The following CDC42SE2 variants were observed in gnomAD, a reference collection of about 807,000 sequenced individuals.
The protein encoded by CDC42SE2 is CDC42 small effector 2, also known as CDC42 small effector protein 2.
In CDC42SE2, 3 loss-of-function variants were observed where a neutral mutation model predicts 11.5. The observed-to-expected ratio is 0.26, with a 90% CI of 0.12 to 0.67. CDC42SE2 has a LOEUF of 0.67. CDC42SE2 is among the 30% of genes least tolerant of loss of function. CDC42SE2 has a pLI of 0.80. For missense variants in CDC42SE2, 82 were observed against 106.8 expected, an observed-to-expected ratio of 0.77 and a Z score of 1.02; for synonymous variants, 33 against 34.8, an observed-to-expected ratio of 0.95 and a Z score of 0.18.
At chr5:131,271,112 A>G (rs1245182168) in intron 1 of CDC42SE2, among the ~76,000 whole-genome samples, 1 of 152,208 alleles carries the variant, frequency 6.6e-6, no homozygotes, top group Non-Finnish European at 1.5e-5. Context: ...TTCCTGTGAT[A>G]CAGTTCTCCA....
intron 2 of CDC42SE2, among the ~76,000 whole-genome samples, chr5:131,347,926 G>A (rs909891478): frequency 2.0e-5 from 3 of 152,252 alleles, no homozygotes; most frequent in African/African-American, 4.8e-5. Context: ...TGCAGAAAAG[G>A]CCTTTGACAA....
chr5:131,300,754 G>T (rs967491425), intron 1 of CDC42SE2, among the ~76,000 whole-genome samples: 1 of 149,650 alleles, frequency 6.7e-6, no homozygotes. Flanking sequence ...CTGCACTCCA[G>T]CCTGGGTGAC....
chr5:131,289,569 A>C (rs1040939948), intron 1 of CDC42SE2, among the ~76,000 whole-genome samples: 7 of 151,698 alleles, frequency 4.6e-5, no homozygotes, highest in Admixed American at 4.6e-4. Flanking sequence ...GCTACTCTGG[A>C]GGCTGAGGCA....
At chr5:131,333,121 A>T (rs909746207) in intron 2 of CDC42SE2, among the ~76,000 whole-genome samples, 1 of 152,148 alleles carries the variant, frequency 6.6e-6, no homozygotes, top group South Asian at 2.1e-4. Flanking sequence ...TAAGTCTTTA[A>T]TCCATCTTGA....
chr5:131,336,612 G>C (rs910485817), intron 2 of CDC42SE2, among the ~76,000 whole-genome samples: 6 of 152,138 alleles, frequency 3.9e-5, no homozygotes, highest in Admixed American at 6.6e-5. Flanking sequence ...GTACACCATT[G>C]AGACGTATAT....
intron 3 of CDC42SE2, among the ~76,000 whole-genome samples, chr5:131,372,017 T>G (rs938463048): frequency 2.6e-4 from 40 of 152,234 alleles, no homozygotes; most frequent in Admixed American, 2.6e-3. Flanking sequence ...GTTTGTTTTG[T>G]TTTGGTTTTG....
intron 2 of CDC42SE2, among the ~76,000 whole-genome samples, chr5:131,353,409 G>T (rs1749412409): frequency 6.6e-6 from 1 of 151,958 alleles, no homozygotes; most frequent in Admixed American, 6.6e-5. Flanking sequence ...AGCCACCTGA[G>T]TAGCTGGGAT....
chr5:131,328,599 T>TC (rs1474408027), intron 2 of CDC42SE2, among the ~76,000 whole-genome samples: 1 of 152,216 alleles, frequency 6.6e-6, no homozygotes, highest in East Asian at 1.9e-4. Flanking sequence ...TATACTTATA[T>TC]CTTCCATTGA....
chr5:131,393,493 T>C lies in CDC42SE2; in HGVS notation c.*2402T>C, dbSNP rs1750729316. On this transcript the variant is annotated 3_prime_UTR_variant, in exon 5 of 5. Transcript: ENST00000505065. ...GTTTGTTTAATAACAACTTCTAAAGTAAGTTGAATTCATCCATTGTCACTG... is the reference window on the plus strand; with the variant it reads ...GTTTGTTTAATAACAACTTCTAAAGCAAGTTGAATTCATCCATTGTCACTG... 1 of 152,382 alleles carries C rather than the reference T, an allele frequency of 6.6e-6. No individual in the cohort carries two copies. Among genetic ancestry groups the C allele is most frequent in the South Asian group, 2.1e-4 (1 of 4,836 alleles). The allele number at this position is 152,382 out of a possible 1,614,324, so 9.4% of individuals were successfully genotyped here.
At chr5:131,241,123 C>T (rs1425041837), upstream of CDC42SE2, among the ~76,000 whole-genome samples, 1 of 152,094 alleles carries the variant, frequency 6.6e-6, no homozygotes, top group Non-Finnish European at 1.5e-5. Flanking sequence ...GGACTACAGG[C>T]GTCCACCACC....
intron 2 of CDC42SE2, among the ~76,000 whole-genome samples, chr5:131,256,342 C>A (rs946855785): frequency 6.6e-6 from 1 of 152,152 alleles, no homozygotes. Flanking sequence ...GGAGTGGAAA[C>A]TCAGATACAC....
intron 1 of CDC42SE2, among the ~76,000 whole-genome samples, chr5:131,299,916 A>G (rs1212321164): frequency 6.6e-6 from 1 of 152,228 alleles, no homozygotes; most frequent in African/African-American, 2.4e-5. Context: ...CTGTTCTGAT[A>G]TAGGTATTTA....
chr5:131,341,619 G>T (rs1580766224), intron 2 of CDC42SE2, among the ~76,000 whole-genome samples: 2 of 152,106 alleles, frequency 1.3e-5, no homozygotes, highest in Non-Finnish European at 2.9e-5. Flanking sequence ...GAAGCAAGAG[G>T]CTAGGAAGAA....
intron 3 of CDC42SE2, among the ~76,000 whole-genome samples, chr5:131,369,752 C>T (rs1749965064): frequency 6.6e-6 from 1 of 152,160 alleles, no homozygotes; most frequent in Admixed American, 6.5e-5. Context: ...GAAGTAGTAA[C>T]CCCAGTTCCA....
chr5:131,343,359 C>T (rs1758758949), intron 2 of CDC42SE2, among the ~76,000 whole-genome samples: 1 of 152,072 alleles, frequency 6.6e-6, no homozygotes, highest in South Asian at 2.1e-4. Context: ...GTGTTTGTGT[C>T]ACAGCATCAT....
chr5:131,298,825 T>C (rs913764090), intron 1 of CDC42SE2, among the ~76,000 whole-genome samples: 1 of 152,196 alleles, frequency 6.6e-6, no homozygotes, highest in African/African-American at 2.4e-5. Flanking sequence ...TTGCCACATT[T>C]CTGAATCTGA....
intron 2 of CDC42SE2, among the ~76,000 whole-genome samples, chr5:131,344,157 T>C (rs1357979979): frequency 6.6e-6 from 1 of 152,160 alleles, no homozygotes; most frequent in Non-Finnish European, 1.5e-5. Flanking sequence ...TTCATCTCAC[T>C]GGGGCTTGTC....
chr5:131,322,629 G>A (rs1758215790), intron 2 of CDC42SE2, among the ~76,000 whole-genome samples: 1 of 152,216 alleles, frequency 6.6e-6, no homozygotes. Context: ...GTACAGGCAT[G>A]TGCCACTGCC....
intron 1 of CDC42SE2, among the ~76,000 whole-genome samples, chr5:131,272,017 T>TTTTCGCTTTTTGAGA: frequency 6.6e-6 from 1 of 152,170 alleles, no homozygotes; most frequent in African/African-American, 2.4e-5. Context: ...TTTTGTTTTG[T>TTTTCGCTTTTTGAGA]TTTCGCTTTT....
Sources: allele counts gnomAD v4.1 joint callset (sites outside exome capture counted in the v4.1 genomes callset), GRCh38; gene constraint gnomAD v4.1.1; transcripts MANE v1.5; gene names NCBI Gene and HGNC (gene_info 2026-07-23, HGNC 2026-07-21).